The following CPQ variants were observed in gnomAD, a reference collection of about 807,000 sequenced individuals.
The protein encoded by CPQ is carboxypeptidase Q, also known as Ser-Met dipeptidase.
In CPQ, 37 loss-of-function variants were observed where a neutral mutation model predicts 45.7. The ratio of observed to expected loss-of-function variants is 0.81; its 90% CI spans 0.62 to 1.07. The LOEUF is 1.07. Among genes scored for constraint, CPQ ranks in the 50% least tolerant of loss-of-function variants. The pLI is 0.00. For missense variants in CPQ, 537 were observed against 572.9 expected (o/e 0.94, Z 0.64); for synonymous variants, 186 against 205.8 (o/e 0.90, Z 0.82).
chr8:96,861,798 G>C (rs1157176091), intron 3 of CPQ, among the ~76,000 whole-genome samples: 5 of 152,090 alleles, frequency 3.3e-5, no homozygotes, highest in African/African-American at 1.2e-4. Context: ...AGGCCAGGCT[G>C]GGATAGTGCC....
intron 4 of CPQ, among the ~76,000 whole-genome samples, chr8:96,940,040 C>T (rs1456623129): frequency 6.6e-6 from 1 of 152,086 alleles, no homozygotes; most frequent in African/African-American, 2.4e-5. Context: ...CAAGCAAAAA[C>T]TTAATGAGAG....
chr8:96,814,900 C>G (rs1811206205), intron 2 of CPQ, among the ~76,000 whole-genome samples: 1 of 152,220 alleles, frequency 6.6e-6, no homozygotes, highest in African/African-American at 2.4e-5. Flanking sequence ...ATGCCAATCA[C>G]AAAAGACCAC....
chr8:96,790,806 C>A (rs1810836579), intron 2 of CPQ, among the ~76,000 whole-genome samples: 1 of 152,052 alleles, frequency 6.6e-6, no homozygotes, highest in African/African-American at 2.4e-5. Context: ...TTTTGAGAGA[C>A]ATTAAATTAT....
chr8:96,797,771 G>T lies in CPQ; in HGVS notation c.433+12441G>T, dbSNP rs564979012. Among the ~76,000 whole-genome samples, 180 of 152,130 alleles carry T rather than the reference G, an allele frequency of 1.2e-3. 2 individuals are homozygous for T. The highest frequency in any genetic ancestry group is 4.0e-3 in the African/African-American group (167 of 41,516). On this transcript the variant is annotated intron_variant, in intron 2 of 7. Transcript: ENST00000220763. ...CTCACTACTAAAAACTACAAAAATTGCCAGGTGCGGTGGCTCACACCTGTA... is the reference window on the plus strand; with the variant it reads ...CTCACTACTAAAAACTACAAAAATTTCCAGGTGCGGTGGCTCACACCTGTA...
chr8:97,113,768 G>A (rs1283609399), intron 7 of CPQ, among the ~76,000 whole-genome samples: 2 of 152,182 alleles, frequency 1.3e-5, no homozygotes, highest in African/African-American at 4.8e-5. Context: ...GGAATAAAAC[G>A]TATCTGGTGG....
intron 1 of CPQ, among the ~76,000 whole-genome samples, chr8:96,648,113 G>A (rs978576532): frequency 2.0e-5 from 3 of 152,142 alleles, no homozygotes; most frequent in Non-Finnish European, 4.4e-5. Context: ...GAAAAGAGAG[G>A]CCCATAAAAT....
chr8:97,085,501 A>G (rs1194236941), intron 7 of CPQ, among the ~76,000 whole-genome samples: 2 of 152,128 alleles, frequency 1.3e-5, no homozygotes, highest in Non-Finnish European at 2.9e-5. Flanking sequence ...TCTAGTACCT[A>G]GAAAACTGAA....
chr8:97,032,838 A>T (rs1809932996), intron 6 of CPQ, among the ~76,000 whole-genome samples: 1 of 152,262 alleles, frequency 6.6e-6, no homozygotes, highest in Non-Finnish European at 1.5e-5. Flanking sequence ...TTAGTATAAC[A>T]AACCATATAT....
Position 97,021,651 on chromosome 8 carries a change from C to T in CPQ, c.962-7752C>T, listed in dbSNP as rs1026448157. Among the ~76,000 whole-genome samples, 4 of 152,156 alleles carry T rather than the reference C, an allele frequency of 2.6e-5. No individual in the cohort carries two copies. The South Asian group carries it at 8.3e-4, about 32-fold the overall frequency. ...ATATAATAAAATACTTAGGAATATA[C>T]CTAACCAAGGATGTGAAAGACTTGA... is the stretch of plus-strand genomic sequence containing the variant. On this transcript the variant is annotated intron_variant, in intron 5 of 7. Transcript: ENST00000220763.
chr8:97,059,794 A>G (rs1224874866), intron 6 of CPQ, among the ~76,000 whole-genome samples: 1 of 152,158 alleles, frequency 6.6e-6, no homozygotes, highest in Non-Finnish European at 1.5e-5. Context: ...CACCTGACCA[A>G]ACAGCATCAC....
intron 4 of CPQ, among the ~76,000 whole-genome samples, chr8:96,885,874 C>T (rs1812300159): frequency 6.6e-6 from 1 of 151,898 alleles, no homozygotes; most frequent in South Asian, 2.1e-4. Context: ...CGCCTGTAGC[C>T]CCAGCTACTG....
chr8:96,898,380 G>T (rs150445760), intron 4 of CPQ, among the ~76,000 whole-genome samples: 34 of 152,190 alleles, frequency 2.2e-4, no homozygotes, highest in African/African-American at 7.5e-4. Flanking sequence ...TAGTCCTGGG[G>T]ACAATTCTTT....
chr8:96,715,335 C>T (rs1417442629), intron 1 of CPQ, among the ~76,000 whole-genome samples: 3 of 152,192 alleles, frequency 2.0e-5, no homozygotes, highest in Non-Finnish European at 4.4e-5. Flanking sequence ...CCCAGTCATA[C>T]TCCTGACCCA....
intron 7 of CPQ, among the ~76,000 whole-genome samples, chr8:97,099,234 G>T (rs747464882): frequency 6.8e-6 from 1 of 147,504 alleles, no homozygotes; most frequent in Non-Finnish European, 1.5e-5. Context: ...AGATTCAAGG[G>T]ATCCTCCTGC....
At chr8:96,829,333 T>C (rs896355909) in intron 2 of CPQ, among the ~76,000 whole-genome samples, 5 of 152,158 alleles carry the variant, frequency 3.3e-5, no homozygotes, top group Admixed American at 3.3e-4. Flanking sequence ...GGATGGGTCA[T>C]GTGCCTTCAG....
At chr8:96,975,251 G>A (rs1396705230) in intron 5 of CPQ, among the ~76,000 whole-genome samples, 1 of 151,916 alleles carries the variant, frequency 6.6e-6, no homozygotes, top group Non-Finnish European at 1.5e-5. Flanking sequence ...ATCTAGAGGA[G>A]ATGGATATAT....
intron 3 of CPQ, among the ~76,000 whole-genome samples, chr8:96,877,999 GT>G (rs1190640201): frequency 6.6e-6 from 1 of 151,688 alleles, no homozygotes; most frequent in Non-Finnish European, 1.5e-5. Context: ...GTCTCGCTCT[GT>G]CGCCCAGGCT....
chr8:96,998,622 C>T (rs368830853), intron 5 of CPQ, among the ~76,000 whole-genome samples: 3 of 151,892 alleles, frequency 2.0e-5, no homozygotes, highest in African/African-American at 7.2e-5. Flanking sequence ...TTTAAAACCT[C>T]TTTCTATATT....
At chr8:96,745,366 G>A (rs1278522970) in intron 1 of CPQ, among the ~76,000 whole-genome samples, 1 of 152,146 alleles carries the variant, frequency 6.6e-6, no homozygotes, top group African/African-American at 2.4e-5. Flanking sequence ...GCAGTTTCAG[G>A]AAAGAAGTTC....
Sources: gnomAD v4.1 joint callset for allele counts (sites outside exome capture counted in the v4.1 genomes callset) on GRCh38, gnomAD v4.1.1 for gene constraint, MANE v1.5 for transcripts, NCBI Gene and HGNC (gene_info 2026-07-23, HGNC 2026-07-21) for gene names.